Variants in CTNNA1 observed in about 807,000 individuals in gnomAD.
CTNNA1 encodes catenin alpha-1.
A neutral mutation model predicts 98.4 loss-of-function variants in CTNNA1; 37 were observed. That is an observed-to-expected ratio of 0.38 (90% CI 0.29 to 0.49). The LOEUF (loss-of-function observed/expected upper bound fraction) is 0.49, where lower values mean the gene tolerates loss of function less well. Ranked by LOEUF, CTNNA1 falls within the 20% of genes least tolerant of loss-of-function variation. The pLI, the probability that CTNNA1 is intolerant of heterozygous loss-of-function variation, is 0.95. For missense variants in CTNNA1, 761 were observed against 1,147.2 expected, an observed-to-expected ratio of 0.66 and a Z score of 4.86; for synonymous variants, 404 against 413.2, an observed-to-expected ratio of 0.98 and a Z score of 0.27.
intron 7 of CTNNA1, among the ~76,000 whole-genome samples, chr5:138,858,076 C>G (rs2149871837): frequency 6.6e-6 from 1 of 152,166 alleles, no homozygotes; most frequent in South Asian, 2.1e-4. Context: ...GACACTTGTA[C>G]ATTCACCTCT....
chr5:138,789,989 A>G (rs1395170844), intron 3 of CTNNA1, among the ~76,000 whole-genome samples: 1 of 152,186 alleles, frequency 6.6e-6, no homozygotes, highest in Non-Finnish European at 1.5e-5. Flanking sequence ...AAGAAGTTCC[A>G]CCATCTGGGC....
At chr5:138,828,418 C>T (rs1760939816) in intron 7 of CTNNA1, among the ~76,000 whole-genome samples, 1 of 151,974 alleles carries the variant, frequency 6.6e-6, no homozygotes, top group Admixed American at 6.6e-5. Context: ...TGATTTTTCT[C>T]TGTTGCCATA....
intron 6 of CTNNA1, among the ~76,000 whole-genome samples, chr5:138,825,113 G>A (rs2149777763): frequency 6.6e-6 from 1 of 152,288 alleles, no homozygotes; most frequent in South Asian, 2.1e-4. Context: ...TCTGGCAGAT[G>A]TGAAGCTATG....
At chr5:138,925,983 G>A (rs1354853862) in intron 13 of CTNNA1, among the ~76,000 whole-genome samples, 2 of 152,160 alleles carry the variant, frequency 1.3e-5, no homozygotes, top group African/African-American at 2.4e-5. Flanking sequence ...CCGGCATACC[G>A]TCCTGCTCTC....
intron 11 of CTNNA1, among the ~76,000 whole-genome samples, chr5:138,918,524 T>C (rs1762261712): frequency 6.6e-6 from 1 of 152,218 alleles, no homozygotes; most frequent in Admixed American, 6.5e-5. Flanking sequence ...CATTTAATTA[T>C]GAACTTGAAA....
At chr5:138,764,999 G>A (rs1380697782) in intron 1 of CTNNA1, among the ~76,000 whole-genome samples, 3 of 149,020 alleles carry the variant, frequency 2.0e-5, no homozygotes, top group South Asian at 2.1e-4. Context: ...TCAGCCTTCC[G>A]AGTATCTGGG....
intron 5 of CTNNA1, among the ~76,000 whole-genome samples, chr5:138,819,656 G>C (rs533586634): frequency 6.6e-6 from 1 of 152,266 alleles, no homozygotes; most frequent in African/African-American, 2.4e-5. Context: ...TGACTGCTCT[G>C]GGTGCCATTT....
chr5:138,893,949 G>C (rs1050665305), intron 9 of CTNNA1, among the ~76,000 whole-genome samples: 6 of 145,706 alleles, frequency 4.1e-5, no homozygotes, highest in Non-Finnish European at 7.6e-5. Context: ...ACAGAGTCTT[G>C]TTCTGTCACT....
intron 11 of CTNNA1, among the ~76,000 whole-genome samples, chr5:138,918,670 A>C (rs993178319): frequency 7.2e-5 from 11 of 152,244 alleles, no homozygotes; most frequent in Non-Finnish European, 1.5e-4. Context: ...CACAGAGATA[A>C]ATTTCAATCC....
chr5:138,893,603 CTTAT>C (rs769161831), intron 9 of CTNNA1, among the ~76,000 whole-genome samples: 11 of 150,496 alleles, frequency 7.3e-5, no homozygotes, highest in African/African-American at 2.2e-4. Context: ...ATTATTTTTT[CTTAT>C]TTAATTATTT....
intron 7 of CTNNA1, among the ~76,000 whole-genome samples, chr5:138,837,838 G>A (rs1761941003): frequency 6.6e-6 from 1 of 151,748 alleles, no homozygotes; most frequent in Admixed American, 6.6e-5. Context: ...GCCAAGGGTG[G>A]TCTCAAACTC....
chr5:138,791,260 A>T (rs1399115796), intron 3 of CTNNA1, among the ~76,000 whole-genome samples: 1 of 152,172 alleles, frequency 6.6e-6, no homozygotes, highest in Non-Finnish European at 1.5e-5. Context: ...GAAGATCTCA[A>T]CTTACTGAAA....
Position 138,874,654 on chromosome 5 carries a change from A to G in CTNNA1, c.1063-11558A>G. On this transcript the variant is annotated intron_variant, in intron 7 of 17. Transcript: ENST00000302763. The surrounding 1 kb of genome is among the most constrained non-coding windows in gnomAD (Gnocchi z 4.1). The stretch of plus-strand genomic sequence containing the variant: ...AACAACCACCACCAACATTATAGCA[A>G]AAGATTTCACTGCATATAACTTATT... The G allele has an allele frequency of 1.2e-6, 1 of 824,512 alleles. No homozygotes were observed. The allele number at this position is 824,512 out of a possible 1,614,324, so 51.1% of individuals were successfully genotyped here.
intron 7 of CTNNA1, chr5:138,869,490 A>G (rs989382930): frequency 2.6e-5 from 4 of 152,038 alleles, no homozygotes; most frequent in African/African-American, 7.2e-5. Flanking sequence ...GAAAACGATC[A>G]TGTAAGTCAG....
chr5:138,885,783 G>T (rs979761809), intron 7 of CTNNA1, among the ~76,000 whole-genome samples: 1 of 152,006 alleles, frequency 6.6e-6, no homozygotes, highest in African/African-American at 2.4e-5. Context: ...TCAGTGCCAG[G>T]TCCCATTTTT....
intron 10 of CTNNA1, among the ~76,000 whole-genome samples, chr5:138,915,346 T>C (rs1761514501): frequency 6.6e-6 from 1 of 152,112 alleles, no homozygotes; most frequent in African/African-American, 2.4e-5. Flanking sequence ...ATATGAACGG[T>C]ACCTGACATC....
chr5:138,879,646 CAG>C (rs1368732865), intron 7 of CTNNA1, among the ~76,000 whole-genome samples: 1 of 152,110 alleles, frequency 6.6e-6, no homozygotes, highest in Non-Finnish European at 1.5e-5. Context: ...TTCGTGGAGA[CAG>C]GGTCTCACTA....
chr5:138,792,795 G>A (rs997495004), intron 3 of CTNNA1, among the ~76,000 whole-genome samples: 3 of 152,124 alleles, frequency 2.0e-5, no homozygotes, highest in African/African-American at 7.2e-5. Context: ...AGCAGTAGCT[G>A]GGAAACATTC....
At chr5:138,815,015 G>T (rs1759279316) in intron 5 of CTNNA1, among the ~76,000 whole-genome samples, 2 of 152,272 alleles carry the variant, frequency 1.3e-5, no homozygotes, top group Non-Finnish European at 2.9e-5. Context: ...GTCTCCCAAA[G>T]TGCTGGGATT....
Sources: gnomAD v4.1 joint callset for allele counts (sites outside exome capture counted in the v4.1 genomes callset) on GRCh38, gnomAD v4.1.1 for gene constraint, Gnocchi (gnomAD v3.1) non-coding constraint, MANE v1.5 for transcripts, NCBI Gene and HGNC (gene_info 2026-07-23, HGNC 2026-07-21) for gene names.